The following PCDHGA8 variants were observed in gnomAD, a reference collection of about 807,000 sequenced individuals.
The protein encoded by PCDHGA8 is protocadherin gamma subfamily A, 8.
A neutral mutation model predicts 59.2 loss-of-function variants in PCDHGA8; 45 were observed. The ratio of observed to expected loss-of-function variants is 0.76; its 90% CI spans 0.60 to 0.98. PCDHGA8 has a LOEUF of 0.98. Ranked by LOEUF, PCDHGA8 falls within the 50% of genes least tolerant of loss-of-function variation. The pLI is 0.00. For missense variants in PCDHGA8, 1,257 were observed against 1,196.2 expected, an observed-to-expected ratio of 1.05 and a Z score of -0.75; for synonymous variants, 531 against 519.0, an observed-to-expected ratio of 1.02 and a Z score of -0.32.
intron 2 of PCDHGA8, among the ~76,000 whole-genome samples, chr5:141,503,100 G>A (rs563699751): frequency 6.6e-6 from 1 of 151,592 alleles, no homozygotes; most frequent in South Asian, 2.1e-4. Context: ...TGGTCTGCCC[G>A]CCCCTGCCTC....
chr5:141,476,726 C>T lies in PCDHGA8; in HGVS notation c.2425-18081C>T. On this transcript the variant is annotated intron_variant, in intron 1 of 3. Coordinates refer to ENST00000398604, the MANE Select transcript of PCDHGA8 (RefSeq NM_032088.2). This position sits in a 1 kb window ranked among gnomAD's most constrained non-coding sequence, Gnocchi z 7.6. ...GCTGGTGTTGGAGCGCGCCCTGGAC[C>T]GAGAACGGGAGCCTAGTCTCCAGTT... The T allele has an allele frequency of 6.2e-7, 1 of 1,614,116 alleles. No homozygotes were observed. The highest frequency in any genetic ancestry group is 8.5e-7 in the Non-Finnish European group (1 of 1,180,028).
chr5:141,409,761 T>A, intron 1 of PCDHGA8: 1 of 1,612,966 alleles, frequency 6.2e-7, no homozygotes, highest in Non-Finnish European at 8.5e-7. Context: ...CAGCGCGCCT[T>A]TGATCACGAG....
chr5:141,511,730 T>C lies in PCDHGA8; in HGVS notation c.*557T>C, dbSNP rs772107999. 5.1e-5 allele frequency: 9 copies of C among 177,790 alleles called. No homozygotes were observed. The highest frequency in any genetic ancestry group is 5.3e-5 in the Admixed American group (1 of 18,706). The allele number at this position is 177,790 out of a possible 1,614,324, so 11.0% of individuals were successfully genotyped here. On this transcript the variant is annotated 3_prime_UTR_variant, in exon 4 of 4. Transcript: ENST00000398604. ...ACCTCCTTCCAGAGCCCAAGATCAA[T>C]GCTCAAGTTTTGGAGGACATGATCA...
At chr5:141,466,716 T>A (rs2099127818) in intron 1 of PCDHGA8, among the ~76,000 whole-genome samples, 1 of 152,210 alleles carries the variant, frequency 6.6e-6, no homozygotes, top group South Asian at 2.1e-4. Flanking sequence ...TGTTCTTGTT[T>A]CCATTTTAGC....
intron 1 of PCDHGA8, chr5:141,412,158 G>A (rs188069449): frequency 1.3e-5 from 2 of 152,324 alleles, no homozygotes; most frequent in East Asian, 3.9e-4. Context: ...CCTAAGAGAA[G>A]AGATTATTTA....
At chr5:141,451,049 C>T (rs538627151) in intron 1 of PCDHGA8, among the ~76,000 whole-genome samples, 1 of 151,422 alleles carries the variant, frequency 6.6e-6, no homozygotes, top group African/African-American at 2.4e-5. Context: ...AGGCTGGTCT[C>T]GAACTCCTGA....
Position 141,431,548 on chromosome 5 carries a change from A to G in PCDHGA8, c.2424+36311A>G, listed in dbSNP as rs1357844542. 2 of 1,614,136 alleles carry G rather than the reference A, an allele frequency of 1.2e-6. No individual in the cohort carries two copies. Among genetic ancestry groups the G allele is most frequent in the Admixed American group, 1.7e-5 (1 of 60,030 alleles). On this transcript the variant is annotated intron_variant, in intron 1 of 3. Coordinates refer to ENST00000398604, the MANE Select transcript of PCDHGA8 (RefSeq NM_032088.2). This position sits in a 1 kb window ranked among gnomAD's most constrained non-coding sequence, Gnocchi z 4.8. ...TGGCCTTGGGCACGCAGCTGCTTGT[A>G]GTCAACGCTACCGACCCTGACGAAG... is the stretch of plus-strand genomic sequence containing the variant.
chr5:141,413,967 G>C, intron 1 of PCDHGA8: 15 of 1,613,428 alleles, frequency 9.3e-6, no homozygotes, highest in Non-Finnish European at 1.2e-5. Context: ...TGGGCACTCA[G>C]CTGCTGACAG....
intron 1 of PCDHGA8, chr5:141,396,121 G>T: frequency 6.6e-6 from 1 of 152,188 alleles, no homozygotes. Context: ...AATGTTTCAG[G>T]TACACAAGTT....
intron 1 of PCDHGA8, chr5:141,400,209 G>A: frequency 6.2e-7 from 1 of 1,614,052 alleles, no homozygotes; most frequent in South Asian, 1.1e-5. Context: ...CCTTGGCCTT[G>A]ATCTCAGTGC....
intron 1 of PCDHGA8, chr5:141,419,237 C>A (rs2096348240): frequency 6.2e-7 from 1 of 1,613,988 alleles, no homozygotes; most frequent in Non-Finnish European, 8.5e-7. Flanking sequence ...CTACCTGGTC[C>A]ACGTGCCAGA....
intron 1 of PCDHGA8, among the ~76,000 whole-genome samples, chr5:141,401,846 A>G (rs1168982151): frequency 6.6e-6 from 1 of 152,216 alleles, no homozygotes; most frequent in Non-Finnish European, 1.5e-5. Context: ...AATACCACTT[A>G]CTTTTAACCT....
intron 1 of PCDHGA8, chr5:141,400,146 C>A (rs1444566578): frequency 6.2e-7 from 1 of 1,614,080 alleles, no homozygotes; most frequent in South Asian, 1.1e-5. Flanking sequence ...ATATCACTGA[C>A]CGCCCTGTAC....
In PCDHGA8 at chr5:141,487,260, C is replaced by T; in HGVS notation, c.2425-7547C>T. 6.2e-7 allele frequency: 1 copy of T among 1,614,116 alleles called. No homozygotes were observed. The highest frequency in any genetic ancestry group is 1.1e-5 in the South Asian group (1 of 91,080). On this transcript the variant is annotated intron_variant, in intron 1 of 3. Coordinates refer to ENST00000398604, the MANE Select transcript of PCDHGA8 (RefSeq NM_032088.2). The surrounding 1 kb of genome is among the most constrained non-coding windows in gnomAD (Gnocchi z 5.0). ...CGTCTAACCCTCTACTTGGCTGTGT[C>T]CCTAGTGGCAATTTGCTTTGTCTCC...
intron 1 of PCDHGA8, chr5:141,433,201 CTTCT>C (rs759014851): frequency 3.9e-5 from 61 of 1,573,466 alleles, no homozygotes; most frequent in Admixed American, 1.2e-4. Flanking sequence ...TATATCAAAT[CTTCT>C]TTCTTTTTTT....
intron 1 of PCDHGA8, among the ~76,000 whole-genome samples, chr5:141,455,315 T>G (rs1416163436): frequency 6.6e-6 from 1 of 152,152 alleles, no homozygotes; most frequent in Non-Finnish European, 1.5e-5. Context: ...TTAGCAATTT[T>G]GTGTGTGTGT....
At chr5:141,398,555 G>A in intron 1 of PCDHGA8, 1 of 1,613,934 alleles carries the variant, frequency 6.2e-7, no homozygotes, top group Non-Finnish European at 8.5e-7. Context: ...CTGCAAATAA[G>A]TGAGTCTGCA....
chr5:141,413,921 C>G, intron 1 of PCDHGA8: 2 of 1,613,360 alleles, frequency 1.2e-6, no homozygotes, highest in Middle Eastern at 1.6e-4. Flanking sequence ...TTCACCTTGC[C>G]AGAATACCGA....
rs779535322 is a variant in PCDHGA8 at position 141,398,516 on chromosome 5, C to A, written c.2424+3279C>A. ...GAGATCGAGGACATTAATGACCACACGCCAAAATTCACGCAAAATTCCTTT... is the reference window on the plus strand; with the variant it reads ...GAGATCGAGGACATTAATGACCACAAGCCAAAATTCACGCAAAATTCCTTT... On this transcript the variant is annotated intron_variant, in intron 1 of 3. Coordinates refer to ENST00000398604, the MANE Select transcript of PCDHGA8 (RefSeq NM_032088.2). The A allele has an allele frequency of 1.9e-6, 3 of 1,598,584 alleles. No individual in the cohort carries two copies. The South Asian group carries it at 3.3e-5, about 18-fold the overall frequency.
Sources: gnomAD v4.1 joint callset for allele counts (sites outside exome capture counted in the v4.1 genomes callset) on GRCh38, gnomAD v4.1.1 for gene constraint, Gnocchi (gnomAD v3.1) non-coding constraint, MANE v1.5 for transcripts, NCBI Gene and HGNC (gene_info 2026-07-23, HGNC 2026-07-21) for gene names.